The following ACSL3 variants were observed in gnomAD, a reference collection of about 807,000 sequenced individuals.
The protein encoded by ACSL3 is acyl-CoA synthetase long chain family member 3.
ACSL3 carries 34 observed loss-of-function variants against 84.7 expected under a neutral mutation model. The observed-to-expected ratio is 0.40, with a 90% CI of 0.31 to 0.53. The LOEUF (loss-of-function observed/expected upper bound fraction) is 0.53, where lower values mean the gene tolerates loss of function less well. Among genes scored for constraint, ACSL3 ranks in the 20% least tolerant of loss-of-function variants. ACSL3 has a pLI of 0.48. For synonymous variants in ACSL3, 315 were observed against 299.4 expected (o/e 1.05, Z -0.54); for missense variants, 680 against 873.1 (o/e 0.78, Z 2.79).
chr2:222,916,367 C>T lies in ACSL3; in HGVS notation c.427C>T (p.Arg143Ter), dbSNP rs746887221. The T allele has an allele frequency of 4.3e-6, 7 of 1,613,486 alleles. No individual in the cohort carries two copies. Among genetic ancestry groups the T allele is most frequent in the African/African-American group, 1.3e-5 (1 of 74,840 alleles). The change falls in exon 5 of 17, where the codon CGA becomes TGA. Residue 143 changes from arginine to a stop codon, truncating the protein, a stop_gained. Transcript: ENST00000357430. LOFTEE classifies it high-confidence loss of function. ...GCTTTCCTATGAAGATGTCTTTGTTCGAGCCTTTAATTTTGGAAATGGATT... is the reference window on the plus strand; with the variant it reads ...GCTTTCCTATGAAGATGTCTTTGTTTGAGCCTTTAATTTTGGAAATGGATT... ...NWLSYEDVFV[R>*]AFNFGNGLQM...
intron 11 of ACSL3, 65 bp downstream of exon 11, chr2:222,924,660 A>G: frequency 2.9e-6 from 4 of 1,394,382 alleles, no homozygotes; most frequent in Non-Finnish European, 3.9e-6. Context: ...GTTCACATTA[A>G]TAGCCCAATT....
At chr2:222,935,357 T>A (rs913101301) in intron 16 of ACSL3, among the ~76,000 whole-genome samples, 1 of 151,938 alleles carries the variant, frequency 6.6e-6, no homozygotes, top group Non-Finnish European at 1.5e-5. Context: ...CCTAGCTAAT[T>A]AAAAAAAATT....
intron 2 of ACSL3, among the ~76,000 whole-genome samples, chr2:222,898,285 G>GT (rs1379670738): frequency 6.6e-6 from 1 of 152,108 alleles, no homozygotes; most frequent in Non-Finnish European, 1.5e-5. Context: ...ATACAGAAAT[G>GT]TTAACTCCTC....
At chr2:222,880,550 C>A (rs118006891) in intron 1 of ACSL3, among the ~76,000 whole-genome samples, 3 of 152,052 alleles carry the variant, frequency 2.0e-5, no homozygotes, top group South Asian at 4.2e-4. Context: ...AATTTTTGGC[C>A]GGGCGCGGTG....
At chr2:222,931,007 G>T (rs1424436907) in intron 14 of ACSL3, among the ~76,000 whole-genome samples, 195 bp downstream of exon 14, 1 of 152,152 alleles carries the variant, frequency 6.6e-6, no homozygotes, top group African/African-American at 2.4e-5. Flanking sequence ...AGTTCTCAAA[G>T]ATGGTTCAGC....
intron 1 of ACSL3, among the ~76,000 whole-genome samples, chr2:222,876,340 T>G (rs1471980022): frequency 2.0e-5 from 3 of 152,202 alleles, no homozygotes; most frequent in Non-Finnish European, 4.4e-5. Flanking sequence ...TTTTTTGTTT[T>G]TTTTTGAGAC....
intron 4 of ACSL3, among the ~76,000 whole-genome samples, chr2:222,911,045 CTTTTTTTTTTT>C (rs781161368): frequency 1.6e-5 from 2 of 123,550 alleles, no homozygotes; most frequent in Non-Finnish European, 3.5e-5. Context: ...CTGGCACTGC[CTTTTTTTTTTT>C]TTTTTTTTTT....
intron 1 of ACSL3, among the ~76,000 whole-genome samples, chr2:222,876,846 A>G (rs907613499): frequency 6.6e-6 from 1 of 152,200 alleles, no homozygotes; most frequent in African/African-American, 2.4e-5. Context: ...AGTTACGTTA[A>G]TGGTATGCCT....
At chr2:222,923,690 G>A (rs1696799079) in intron 10 of ACSL3, among the ~76,000 whole-genome samples, 1 of 152,296 alleles carries the variant, frequency 6.6e-6, no homozygotes, top group East Asian at 1.9e-4. Context: ...TATAACATAG[G>A]CTGAGTTTGT....
intron 1 of ACSL3, among the ~76,000 whole-genome samples, chr2:222,886,297 A>T (rs1163587866): frequency 1.3e-5 from 2 of 151,338 alleles, no homozygotes; most frequent in African/African-American, 4.9e-5. Flanking sequence ...TCATTCTTCA[A>T]CTCCCACTTA....
At chr2:222,874,674 GA>G (rs560238491) in intron 1 of ACSL3, among the ~76,000 whole-genome samples, 4,905 of 141,450 alleles carry the variant, frequency 0.035, 88 homozygotes, top group South Asian at 0.064. Flanking sequence ...GACCCTGTCT[GA>G]AAAAAAAAAA....
chr2:222,900,965 T>G (rs1696131202), intron 3 of ACSL3, among the ~76,000 whole-genome samples, 185 bp downstream of exon 3: 1 of 152,212 alleles, frequency 6.6e-6, no homozygotes, highest in Non-Finnish European at 1.5e-5. Flanking sequence ...CTCTTCTGGT[T>G]TATTTTTTGT....
chr2:222,935,555 C>G (rs913133735), intron 16 of ACSL3, among the ~76,000 whole-genome samples: 1 of 152,106 alleles, frequency 6.6e-6, no homozygotes, highest in African/African-American at 2.4e-5. Context: ...TGTCAGATTC[C>G]ACACAGTCTT....
At chr2:222,906,272 C>A (rs1696292325) in intron 3 of ACSL3, among the ~76,000 whole-genome samples, 1 of 152,158 alleles carries the variant, frequency 6.6e-6, no homozygotes, top group South Asian at 2.1e-4. Context: ...CCTGGACTGC[C>A]CTTCTTGAGA....
chr2:222,927,900 G>GT (rs890027584), intron 12 of ACSL3, among the ~76,000 whole-genome samples: 1 of 151,822 alleles, frequency 6.6e-6, no homozygotes, highest in African/African-American at 2.4e-5. Flanking sequence ...TCATTTTTCT[G>GT]TTTTTCAGTT....
At chr2:222,925,122 A>T (rs1696846180) in intron 11 of ACSL3, among the ~76,000 whole-genome samples, 3 of 152,000 alleles carry the variant, frequency 2.0e-5, no homozygotes, top group African/African-American at 7.2e-5. Context: ...AGATCACCTG[A>T]GGTCAGGAAT....
At chr2:222,906,101 C>T (rs1467389849) in intron 3 of ACSL3, among the ~76,000 whole-genome samples, 1 of 152,114 alleles carries the variant, frequency 6.6e-6, no homozygotes, top group Non-Finnish European at 1.5e-5. Flanking sequence ...ACTCGGAATA[C>T]TGATTTTCCC....
intron 16 of ACSL3, among the ~76,000 whole-genome samples, chr2:222,936,670 T>C (rs1163858795): frequency 7.5e-6 from 1 of 133,948 alleles, no homozygotes; most frequent in Admixed American, 8.3e-5. Context: ...TGAACATGTA[T>C]TAGTCTGTTC....
intron 4 of ACSL3, among the ~76,000 whole-genome samples, chr2:222,911,571 G>A (rs560511324): frequency 3.9e-5 from 6 of 152,074 alleles, no homozygotes; most frequent in Admixed American, 2.0e-4. Context: ...AGGAAGCTTC[G>A]TTTTTCTCCG....
Sources: gnomAD v4.1 joint callset for allele counts (sites outside exome capture counted in the v4.1 genomes callset) on GRCh38, gnomAD v4.1.1 for gene constraint, MANE v1.5 for transcripts, NCBI Gene and HGNC (gene_info 2026-07-23, HGNC 2026-07-21) for gene names.